Variants in KCNMB3 observed in about 807,000 individuals in gnomAD.
KCNMB3 encodes potassium calcium-activated channel subfamily M regulatory beta subunit 3.
KCNMB3 carries 18 observed loss-of-function variants against 11.9 expected under a neutral mutation model. The observed-to-expected ratio is 1.51, with a 90% confidence interval of 1.04 to 2.23. The LOEUF (loss-of-function observed/expected upper bound fraction) is 2.23, where lower values mean the gene tolerates loss of function less well. Ranked by LOEUF, KCNMB3 falls within the 30% of genes most tolerant of loss-of-function variation. KCNMB3 has a pLI of 0.00. For synonymous variants in KCNMB3, 78 were observed against 119.2 expected, an observed-to-expected ratio of 0.65 and a Z score of 2.25; for missense variants, 247 against 329.4, an observed-to-expected ratio of 0.75 and a Z score of 1.94.
intron 1 of KCNMB3, chr3:179,259,338 T>C: frequency 6.4e-7 from 1 of 1,565,656 alleles, no homozygotes; most frequent in South Asian, 1.2e-5. Context: ...TTTAGCATTA[T>C]CTTTTGCAAC....
exon 1 of KCNMB3, chr3:179,266,827 C>T (rs1726383825): frequency 2.0e-6 from 3 of 1,466,928 alleles, no homozygotes; most frequent in African/African-American, 2.8e-5. Context: ...CCCCCAGCCC[C>T]CAGCGCAGCT....
At chr3:179,263,400 T>A (rs1576965749) in intron 1 of KCNMB3, among the ~76,000 whole-genome samples, 1 of 152,090 alleles carries the variant, frequency 6.6e-6, no homozygotes, top group Admixed American at 6.5e-5. Context: ...CCTCCCCACC[T>A]CCCTGCAAGC....
In KCNMB3 at chr3:179,251,063, A is replaced by G. The variant is rs764353219; in HGVS notation, c.-73T>C. On this transcript the variant is annotated 5_prime_UTR_variant, in exon 1 of 3. Transcript: ENST00000392685. ...GTGTCTCGTGAGCAGGATGAATGCA[A>G]CAAAATGAAATCCCAGTTCAGAGCT... 6.2e-7 allele frequency: 1 copy of G among 1,614,250 alleles called. No individual in the cohort carries two copies. Among genetic ancestry groups the G allele is most frequent in the African/African-American group, 1.3e-5 (1 of 75,066 alleles).
upstream of KCNMB3, chr3:179,251,758 C>T (rs535115157): frequency 7.8e-5 from 46 of 586,356 alleles, no homozygotes; most frequent in Middle Eastern, 9.9e-4. Flanking sequence ...GACGGAACCT[C>T]GCACTGTTGC....
upstream of KCNMB3, among the ~76,000 whole-genome samples, chr3:179,253,279 T>C (rs989706208): frequency 2.6e-5 from 4 of 152,222 alleles, no homozygotes; most frequent in African/African-American, 9.6e-5. Flanking sequence ...ATACATTCTT[T>C]AACATACCCA....
At chr3:179,266,853 C>A in exon 1 of KCNMB3, 1 of 1,438,416 alleles carries the variant, frequency 7.0e-7, no homozygotes, top group African/African-American at 1.4e-5. Context: ...CATTAGAAGC[C>A]CCCCGCCTTC....
chr3:179,250,401 C>T (rs1725793738), intron 1 of KCNMB3, among the ~76,000 whole-genome samples: 1 of 152,224 alleles, frequency 6.6e-6, no homozygotes, highest in South Asian at 2.1e-4. Context: ...ATTGTGCTCA[C>T]ATACAAGGTT....
rs184299253 is a variant in KCNMB3 at position 179,260,222 on chromosome 3, T to C, written c.62+6427A>G. The C allele has an allele frequency of 4.5e-5, 72 of 1,613,940 alleles. No individual in the cohort carries two copies. In the Admixed American group the frequency reaches 1.1e-3, roughly 25 times the overall value. ...CATCTAAGTCACTCCAACAGTTGGA[T>C]GGCTCAAGGGGAGTTCTGGTCCTGT... On this transcript the variant is annotated intron_variant, in intron 1 of 3. Transcript: ENST00000349697.
intron 1 of KCNMB3, among the ~76,000 whole-genome samples, chr3:179,258,695 T>A (rs1235147492): frequency 6.6e-6 from 1 of 152,252 alleles, no homozygotes; most frequent in African/African-American, 2.4e-5. Flanking sequence ...CACATTCCTA[T>A]CAGCCTAAGG....
intron 1 of KCNMB3, chr3:179,259,620 T>C: frequency 1.2e-6 from 2 of 1,608,482 alleles, no homozygotes; most frequent in Non-Finnish European, 1.7e-6. Flanking sequence ...CTTTACCTGC[T>C]CTTCTTCCTT....
chr3:179,242,974 G>T lies in KCNMB3; in HGVS notation c.758C>A (p.Pro253His). The T allele has an allele frequency of 6.2e-7, 1 of 1,604,854 alleles. No homozygotes were observed. Among genetic ancestry groups the T allele is most frequent in the Non-Finnish European group, 8.5e-7 (1 of 1,177,478 alleles). Residue 253 changes from proline to histidine, a missense_variant, in exon 3 of 3, where the codon CCT becomes CAT. This residue lies in a region of KCNMB3 where 87 missense variants were observed against 171.9 expected (regional missense o/e 0.51). Coordinates refer to ENST00000392685, the MANE Select transcript of KCNMB3 (RefSeq NM_171830.2). Reference protein sequence around the residue: ...VVRDEVGGKVPYIEQHQFKLC... With the variant: ...VVRDEVGGKVHYIEQHQFKLC... ...TTTGAACTGATGCTGTTCTATATAA[G>T]GTACTTTTCCACCTACCTCATCTCT...
intron 1 of KCNMB3, chr3:179,259,391 T>C (rs1726128371): frequency 3.8e-6 from 6 of 1,585,344 alleles, no homozygotes; most frequent in Middle Eastern, 1.7e-4. Context: ...GGCCTGATGA[T>C]TGAACTGTGA....
intron 1 of KCNMB3, chr3:179,261,337 C>T (rs532538211): frequency 7.6e-6 from 9 of 1,180,170 alleles, no homozygotes; most frequent in African/African-American, 4.9e-5. Flanking sequence ...GAGCCCCCCC[C>T]CGCGGGCCGG....
chr3:179,266,748 G>A (rs1388587109), exon 1 of KCNMB3: 1 of 1,612,072 alleles, frequency 6.2e-7, no homozygotes. Context: ...CCTTTCACCT[G>A]AGTCATGCCC....
rs922107596 is a variant in KCNMB3 at position 179,261,338 on chromosome 3, C to G, written c.62+5311G>C. The G allele has an allele frequency of 7.6e-5, 89 of 1,177,720 alleles. No individual in the cohort carries two copies. In the Middle Eastern group the frequency reaches 1.0e-3, roughly 14 times the overall value. The allele number at this position is 1,177,720 out of a possible 1,614,324, so 73.0% of individuals were successfully genotyped here. On this transcript the variant is annotated intron_variant, in intron 1 of 3. Coordinates refer to the KCNMB3 transcript ENST00000349697. The stretch of plus-strand genomic sequence containing the variant: ...CGGGGACCGTGCCGGAGCCCCCCCC[C>G]GCGGGCCGGGCCAGGGGGCGCGCGC...
chr3:179,257,434 T>C (rs959800547), intron 1 of KCNMB3, among the ~76,000 whole-genome samples: 1 of 152,254 alleles, frequency 6.6e-6, no homozygotes, highest in African/African-American at 2.4e-5. Context: ...TTTTATATTT[T>C]ACAATTAAAT....
chr3:179,249,008 T>C (rs1163548015), intron 1 of KCNMB3, among the ~76,000 whole-genome samples: 1 of 53,752 alleles, frequency 1.9e-5, no homozygotes, highest in Non-Finnish European at 3.9e-5. Flanking sequence ...ACCCCGTCTC[T>C]TTTTTTTTTT....
At position 179,262,121 on chromosome 3, in the gene KCNMB3, T is replaced by C. The variant is rs554051068; in HGVS notation, c.62+4528A>G. On this transcript the variant is annotated intron_variant, in intron 1 of 3. Coordinates refer to the KCNMB3 transcript ENST00000349697. The stretch of plus-strand genomic sequence containing the variant: ...AAATCCACTATCAGATTATGATGTA[T>C]TTTTATACACTCCCCCAGTAATTTA... Among the ~76,000 whole-genome samples, 18 of 152,346 alleles carry C rather than the reference T, an allele frequency of 1.2e-4. No individual in the cohort carries two copies. The South Asian group carries it at 3.3e-3, about 28-fold the overall frequency.
chr3:179,252,218 C>T (rs1012719938), upstream of KCNMB3, among the ~76,000 whole-genome samples: 4 of 152,102 alleles, frequency 2.6e-5, no homozygotes, highest in Non-Finnish European at 5.9e-5. Flanking sequence ...CCTCCACTTC[C>T]TACAGTGTCA....
Sources: allele counts gnomAD v4.1 joint callset (sites outside exome capture counted in the v4.1 genomes callset), GRCh38; gene constraint gnomAD v4.1.1; regional missense constraint gnomAD v4.1.1; transcripts MANE v1.5; gene names NCBI Gene and HGNC (gene_info 2026-07-23, HGNC 2026-07-21).